The following OSBPL1A variants were observed in gnomAD, a reference collection of about 807,000 sequenced individuals.
OSBPL1A encodes oxysterol-binding protein-related protein 1.
A neutral mutation model predicts 137.1 loss-of-function variants in OSBPL1A; 80 were observed. The observed-to-expected ratio is 0.58, with a 90% confidence interval of 0.49 to 0.70. OSBPL1A has a LOEUF of 0.70. Among genes scored for constraint, OSBPL1A ranks in the 30% least tolerant of loss-of-function variants. The probability of loss-of-function intolerance (pLI) is 0.00; values close to 1 mark genes in which losing one functional copy is unlikely to be tolerated. For missense variants in OSBPL1A, 970 were observed against 1,129.4 expected, an observed-to-expected ratio of 0.86 and a Z score of 2.02; for synonymous variants, 365 against 389.7, an observed-to-expected ratio of 0.94 and a Z score of 0.75.
At chr18:24,235,133 G>A (rs921670176) in intron 16 of OSBPL1A, among the ~76,000 whole-genome samples, 5 of 152,154 alleles carry the variant, frequency 3.3e-5, no homozygotes, top group African/African-American at 1.2e-4. Flanking sequence ...GAGGGAATGC[G>A]ATGATGTGAT....
At chr18:24,258,725 T>C (rs1265293425) in intron 15 of OSBPL1A, among the ~76,000 whole-genome samples, 1 of 152,138 alleles carries the variant, frequency 6.6e-6, no homozygotes, top group Non-Finnish European at 1.5e-5. Context: ...ATGTATCCCT[T>C]ATATCTATGT....
rs906462777 is a variant in OSBPL1A, at chr18:24,253,169, G to GA, written c.1282-13788_1282-13787insT. Among the ~76,000 whole-genome samples, 59 of 141,880 alleles carry GA rather than the reference G, an allele frequency of 4.2e-4. 1 individual carries two copies. The highest frequency in any genetic ancestry group is 1.5e-3 in the African/African-American group (58 of 39,336). The allele number at this position is 141,880 out of a possible 152,430, so 93.1% of individuals were successfully genotyped here. On this transcript the variant is annotated intron_variant, in intron 15 of 27. Transcript: ENST00000319481. ...AACTCTCCAATGAAAAGACATGGCGGGGGGGGGCGCTGAATGGATGAAAAA... is the reference window on the plus strand; with the variant it reads ...AACTCTCCAATGAAAAGACATGGCGGAGGGGGGGCGCTGAATGGATGAAAAA...
At chr18:24,179,711 A>C in intron 20 of OSBPL1A, 27 bp downstream of exon 20, 2 of 1,571,322 alleles carry the variant, frequency 1.3e-6, no homozygotes, top group Non-Finnish European at 8.8e-7. Context: ...GCAACGCTGT[A>C]TAAAGCATGC....
chr18:24,192,015 T>C (rs1344096155), intron 18 of OSBPL1A, among the ~76,000 whole-genome samples: 2 of 152,212 alleles, frequency 1.3e-5, no homozygotes, highest in Admixed American at 6.5e-5. Context: ...AAAAGAATGA[T>C]ACAACACTTT....
intron 16 of OSBPL1A, among the ~76,000 whole-genome samples, chr18:24,236,586 G>T (rs1045515089): frequency 6.6e-6 from 1 of 152,162 alleles, no homozygotes; most frequent in South Asian, 2.1e-4. Context: ...CCACAGAAGG[G>T]CTACTGTGTT....
intron 4 of OSBPL1A, among the ~76,000 whole-genome samples, chr18:24,350,368 C>T (rs1459099867): frequency 6.6e-6 from 1 of 152,182 alleles, no homozygotes; most frequent in South Asian, 2.1e-4. Context: ...GCCACCTGCC[C>T]AAGACCACTT....
intron 7 of OSBPL1A, among the ~76,000 whole-genome samples, chr18:24,325,742 C>A (rs192154526): frequency 1.5e-3 from 236 of 152,304 alleles, no homozygotes; most frequent in Non-Finnish European, 1.9e-3. Flanking sequence ...TAGGACGGTT[C>A]TTGGCACACA....
intron 17 of OSBPL1A, among the ~76,000 whole-genome samples, chr18:24,213,648 T>C (rs2087609348): frequency 6.6e-6 from 1 of 152,216 alleles, no homozygotes; most frequent in Non-Finnish European, 1.5e-5. Context: ...TAACTTAAAA[T>C]TATTTTTCAT....
At chr18:24,165,724 A>C (rs2086130530) in intron 26 of OSBPL1A, among the ~76,000 whole-genome samples, 2 of 152,212 alleles carry the variant, frequency 1.3e-5, no homozygotes, top group Admixed American at 1.3e-4. Context: ...CAAAGTCTTC[A>C]GACTTTGCTA....
intron 4 of OSBPL1A, chr18:24,358,497 T>A (rs1363908230): frequency 1.4e-6 from 1 of 702,340 alleles, no homozygotes; most frequent in East Asian, 2.7e-5. Flanking sequence ...CATCTCAGCT[T>A]CCCTGAGAAC....
chr18:24,196,212 A>G lies in OSBPL1A; in HGVS notation c.1602-12T>C, dbSNP rs201925364. The G allele has an allele frequency of 1.8e-5, 29 of 1,586,406 alleles. No individual in the cohort carries two copies. In the East Asian group the frequency reaches 2.2e-4, roughly 12 times the overall value. On this transcript the variant is annotated splice_polypyrimidine_tract_variant and intron_variant, in intron 17 of 27. Coordinates refer to ENST00000319481, the MANE Select transcript of OSBPL1A (RefSeq NM_080597.4). ...AAGGCAAACTTGTTCTGAAAAAAGA[A>G]AAGAAAAACATAAAGTTCATTCTAA...
intron 16 of OSBPL1A, among the ~76,000 whole-genome samples, chr18:24,225,618 A>T (rs1251582094): frequency 4.9e-4 from 75 of 152,332 alleles, no homozygotes; most frequent in African/African-American, 1.8e-3. Flanking sequence ...TCCTTATGAG[A>T]AGTTTAAATT....
chr18:24,264,672 T>G (rs1238950717), intron 15 of OSBPL1A, among the ~76,000 whole-genome samples: 1 of 152,240 alleles, frequency 6.6e-6, no homozygotes, highest in Non-Finnish European at 1.5e-5. Flanking sequence ...TTCAATACCC[T>G]TGGCCATCTG....
At chr18:24,331,132 T>A (rs1034220372) in intron 7 of OSBPL1A, among the ~76,000 whole-genome samples, 5 of 152,116 alleles carry the variant, frequency 3.3e-5, no homozygotes, top group African/African-American at 1.2e-4. Flanking sequence ...TCAACAAACA[T>A]GCAGCCCTTC....
chr18:24,180,381 G>A (rs1372409046), intron 19 of OSBPL1A, among the ~76,000 whole-genome samples: 2 of 152,092 alleles, frequency 1.3e-5, no homozygotes, highest in African/African-American at 2.4e-5. Context: ...ATTAAAAAGT[G>A]CAATTCCTTG....
chr18:24,386,374 A>C (rs1224078256), intron 1 of OSBPL1A, among the ~76,000 whole-genome samples: 1 of 152,202 alleles, frequency 6.6e-6, no homozygotes, highest in Non-Finnish European at 1.5e-5. Flanking sequence ...CTCACGTTCA[A>C]AGCAATTAAT....
intron 3 of OSBPL1A, 171 bp downstream of exon 3, chr18:24,368,116 T>A: frequency 2.2e-6 from 1 of 451,622 alleles, no homozygotes; most frequent in Non-Finnish European, 4.0e-6. Context: ...TTAATCAGGC[T>A]AACCTAATTC....
intron 4 of OSBPL1A, among the ~76,000 whole-genome samples, chr18:24,350,300 G>A (rs2091416742): frequency 6.6e-6 from 1 of 152,200 alleles, no homozygotes; most frequent in South Asian, 2.1e-4. Flanking sequence ...GGATGATATG[G>A]TCAAAGCCAC....
intron 1 of OSBPL1A, among the ~76,000 whole-genome samples, chr18:24,387,017 T>G (rs1233284111): frequency 1.3e-5 from 2 of 152,154 alleles, no homozygotes; most frequent in East Asian, 1.9e-4. Flanking sequence ...ATTTGAAATA[T>G]ATTTGAAAAA....
Sources: gnomAD v4.1 joint callset for allele counts (sites outside exome capture counted in the v4.1 genomes callset) on GRCh38, gnomAD v4.1.1 for gene constraint, MANE v1.5 for transcripts, NCBI Gene and HGNC (gene_info 2026-07-23, HGNC 2026-07-21) for gene names.